The following ZNF284 variants were observed in gnomAD, a reference collection of about 807,000 sequenced individuals.
ZNF284 encodes zinc finger protein 284.
In ZNF284, 12 loss-of-function variants were observed where a neutral mutation model predicts 12.9. The observed-to-expected ratio is 0.93, with a 90% CI of 0.60 to 1.51. ZNF284 has a LOEUF of 1.51. Among genes scored for constraint, ZNF284 ranks in the 40% most tolerant of loss-of-function variants. The pLI is 0.00. For missense variants in ZNF284, 667 were observed against 707.3 expected (o/e 0.94, Z 0.65); for synonymous variants, 225 against 236.5 (o/e 0.95, Z 0.45).
chr19:44,076,722 T>C (rs1272970016), intron 2 of ZNF284, among the ~76,000 whole-genome samples: 1 of 152,218 alleles, frequency 6.6e-6, no homozygotes, highest in Non-Finnish European at 1.5e-5. Context: ...TGTATTTGTA[T>C]TGATACTTAT....
In ZNF284 at chr19:44,082,010, C is replaced by T; in HGVS notation, c.143-3C>T. 7 of 1,611,168 alleles carry T rather than the reference C, an allele frequency of 4.3e-6. No individual in the cohort carries two copies. The highest frequency in any genetic ancestry group is 4.2e-6 in the Non-Finnish European group (5 of 1,178,550). ...GGGATTAAGCATGTGACTTTGTTCACAGGGCATCAACTTTCCCACCGAGAT... is the reference window on the plus strand; with the variant it reads ...GGGATTAAGCATGTGACTTTGTTCATAGGGCATCAACTTTCCCACCGAGAT... On this transcript the variant is annotated splice_polypyrimidine_tract_variant and splice_region_variant and intron_variant, in intron 3 of 4. Transcript: ENST00000421176.
intron 2 of ZNF284, among the ~76,000 whole-genome samples, chr19:44,080,029 G>A (rs1413661027): frequency 6.6e-6 from 1 of 152,200 alleles, no homozygotes; most frequent in Non-Finnish European, 1.5e-5. Flanking sequence ...TATTCCTGGA[G>A]AAAACTGATG....
rs2147512716 is a variant in ZNF284, at chr19:44,087,444, T to G, written c.*184T>G. 2.0e-6 allele frequency: 1 copy of G among 494,414 alleles called. No homozygotes were observed. Among genetic ancestry groups the G allele is most frequent in the African/African-American group, 1.9e-5 (1 of 52,016 alleles). 30.6% of individuals were successfully genotyped at this position (494,414 alleles called of 1,614,324 possible). ...TAGTTATTTGAAAATAAGTTATTAT[T>G]AATTATAGTCACCTTTAGTGCTGTG... On this transcript the variant is annotated 3_prime_UTR_variant, in exon 5 of 5. Coordinates refer to ENST00000421176, the MANE Select transcript of ZNF284 (RefSeq NM_001037813.4).
At chr19:44,077,990 A>G (rs1216020127) in intron 2 of ZNF284, among the ~76,000 whole-genome samples, 1 of 152,154 alleles carries the variant, frequency 6.6e-6, no homozygotes, top group East Asian at 1.9e-4. Flanking sequence ...CACTATAGAA[A>G]ATCTTTAAAT....
chr19:44,083,501 AGGGAAT>A lies in ZNF284; in HGVS notation c.235+1399_235+1404del, dbSNP rs1568522596. Among the ~76,000 whole-genome samples the A allele has an allele frequency of 2.4e-4, 16 of 66,054 alleles. 2 individuals carry two copies. The highest frequency in any genetic ancestry group is 6.1e-4 in the South Asian group (1 of 1,642). The allele number at this position is 66,054 out of a possible 152,430, so 43.3% of individuals were successfully genotyped here. Reference sequence around the variant, plus strand: ...GAGAGAGAGAGAGAGAGAGAGAGAGAGGGAATGGAATACCATCCTATCTTTACCCTT... The same window carrying A: ...GAGAGAGAGAGAGAGAGAGAGAGAGAGGAATACCATCCTATCTTTACCCTT... On this transcript the variant is annotated intron_variant, in intron 4 of 4. Transcript: ENST00000421176.
At chr19:44,082,444 C>A (rs1012824952) in intron 4 of ZNF284, among the ~76,000 whole-genome samples, 4 of 152,234 alleles carry the variant, frequency 2.6e-5, no homozygotes, top group African/African-American at 9.6e-5. Flanking sequence ...TCTCTGACTA[C>A]ATCTCCATTT....
chr19:44,084,847 T>C (rs1300585507), intron 4 of ZNF284, among the ~76,000 whole-genome samples: 1 of 152,110 alleles, frequency 6.6e-6, no homozygotes, highest in African/African-American at 2.4e-5. Flanking sequence ...CGCTGTGCCA[T>C]AGCTGCTTGA....
intron 4 of ZNF284, 33 bp from the exon 5 acceptor site, chr19:44,085,681 T>C: frequency 6.5e-7 from 1 of 1,549,116 alleles, no homozygotes; most frequent in Non-Finnish European, 8.8e-7. Flanking sequence ...AAGGTTTCAC[T>C]TACCCACATC....
rs763997509 is a variant in ZNF284 at position 44,087,112 on chromosome 19, G to A, written c.1634G>A (p.Gly545Glu). 278 of 1,614,040 alleles carry A rather than the reference G, an allele frequency of 1.7e-4. 2 individuals are homozygous for A. In the East Asian group the frequency reaches 6.1e-3, roughly 35 times the overall value. Residue 545 changes from glycine to glutamate, a missense_variant, in exon 5 of 5, where the codon GGG (glycine) becomes GAG (glutamate). Gly to Glu is a moderately conservative substitution (Grantham distance 98, BLOSUM62 -2). Coordinates refer to ENST00000421176, the MANE Select transcript of ZNF284 (RefSeq NM_001037813.4). ...AAACTATTCCAATGTGAGGATTGTGGGAAGAGCAGTGAGCACAGTTCATGC... is the reference window on the plus strand; with the variant it reads ...AAACTATTCCAATGTGAGGATTGTGAGAAGAGCAGTGAGCACAGTTCATGC... ...REKLFQCEDC[G>E]KSSEHSSCLQ... is the part of the protein sequence containing the mutation.
At chr19:44,072,477 GCTA>G (rs1966960798) in intron 1 of ZNF284, among the ~76,000 whole-genome samples, 186 bp downstream of exon 1, 1 of 152,152 alleles carries the variant, frequency 6.6e-6, no homozygotes, top group Non-Finnish European at 1.5e-5. Context: ...CACCTGTGAG[GCTA>G]CTTTCTCACA....
At chr19:44,075,396 G>A (rs771888262) in intron 1 of ZNF284, among the ~76,000 whole-genome samples, 71 of 152,274 alleles carry the variant, frequency 4.7e-4, no homozygotes, top group Non-Finnish European at 7.8e-4. Flanking sequence ...TCATGTTTAC[G>A]TTTAGAGTAT....
Position 44,086,056 on chromosome 19 carries a change from A to G in ZNF284, c.578A>G (p.His193Arg). 6.2e-7 allele frequency: 1 copy of G among 1,614,214 alleles called. No homozygotes were observed. Among genetic ancestry groups the G allele is most frequent in the African/African-American group, 1.3e-5 (1 of 75,062 alleles). The stretch of plus-strand genomic sequence containing the variant: ...TGTTATAGCTCAGCTCTTTGTCTTC[A>G]TCAGAAAGTTCACATGGGAGAGAAA... ...RFCYSSALCL[H>R]QKVHMGEKRY... is the part of the protein sequence containing the mutation. The change falls in exon 5 of 5, where the codon CAT becomes CGT. Residue 193 changes from histidine to arginine, a missense_variant. Transcript: ENST00000421176.
rs1277715694 is a variant in ZNF284 at position 44,087,456 on chromosome 19, C to A, written c.*196C>A. ...AATAAGTTATTATTAATTATAGTCA[C>A]CTTTAGTGCTGTGGAACACTAGAAC... On this transcript the variant is annotated 3_prime_UTR_variant, in exon 5 of 5. Transcript: ENST00000421176. 2.3e-6 allele frequency: 1 copy of A among 433,940 alleles called. No individual in the cohort carries two copies. The highest frequency in any genetic ancestry group is 3.8e-5 in the East Asian group (1 of 26,486). The allele number at this position is 433,940 out of a possible 1,614,324, so 26.9% of individuals were successfully genotyped here. A position where few individuals can be genotyped will look rare whatever the true frequency, so the allele number is the denominator to read the frequency against.
At chr19:44,079,187 T>C (rs2147498319) in intron 2 of ZNF284, among the ~76,000 whole-genome samples, 1 of 152,226 alleles carries the variant, frequency 6.6e-6, no homozygotes, top group East Asian at 1.9e-4. Context: ...AATTAAATAT[T>C]CATTATTTAG....
intron 4 of ZNF284, among the ~76,000 whole-genome samples, chr19:44,084,051 G>A (rs1009865629): frequency 6.6e-6 from 1 of 152,208 alleles, no homozygotes; most frequent in Non-Finnish European, 1.5e-5. Context: ...CATGCCTGGG[G>A]CAACCAACAT....
At chr19:44,075,125 G>A (rs973016087) in intron 1 of ZNF284, among the ~76,000 whole-genome samples, 45 of 152,198 alleles carry the variant, frequency 3.0e-4, no homozygotes, top group Admixed American at 9.8e-4. Context: ...ATTACATAAC[G>A]TTGTTATCTA....
chr19:44,073,310 A>G (rs1206297734), intron 1 of ZNF284, among the ~76,000 whole-genome samples: 1 of 152,180 alleles, frequency 6.6e-6, no homozygotes, highest in Non-Finnish European at 1.5e-5. Flanking sequence ...TGGGGAAAGC[A>G]AGCTAGGACT....
Position 44,080,971 on chromosome 19 carries a change from A to C in ZNF284, c.16-44A>C, listed in dbSNP as rs774107623. On this transcript the variant is annotated intron_variant, in intron 2 of 4. Coordinates refer to ENST00000421176, the MANE Select transcript of ZNF284 (RefSeq NM_001037813.4). ...GCTCATTGCCACCCTTCTCCCAGGAATCACTGGTCATGAGATTGAGATTGC... is the reference window on the plus strand; with the variant it reads ...GCTCATTGCCACCCTTCTCCCAGGACTCACTGGTCATGAGATTGAGATTGC... 1.9e-6 allele frequency: 3 copies of C among 1,587,888 alleles called. No individual in the cohort carries two copies. The African/African-American group carries it at 4.0e-5, about 21-fold the overall frequency.
At chr19:44,076,495 A>G (rs1056766856) in intron 2 of ZNF284, 91 bp downstream of exon 2, 7 of 1,387,162 alleles carry the variant, frequency 5.0e-6, no homozygotes, top group Middle Eastern at 1.8e-4. Context: ...AGACTCAAGG[A>G]GAACAACAGT....
Sources: allele counts gnomAD v4.1 joint callset (sites outside exome capture counted in the v4.1 genomes callset), GRCh38; gene constraint gnomAD v4.1.1; transcripts MANE v1.5; gene names NCBI Gene and HGNC (gene_info 2026-07-23, HGNC 2026-07-21).